The following RLIM variants were observed in gnomAD, a reference collection of about 807,000 sequenced individuals.
The protein encoded by RLIM is ring finger protein, LIM domain interacting, also known as E3 ubiquitin-protein ligase RLIM.
In RLIM, 2 loss-of-function variants were observed where a neutral mutation model predicts 34.0. The observed-to-expected ratio is 0.06, with a 90% CI of 0.02 to 0.19. The LOEUF (loss-of-function observed/expected upper bound fraction) is 0.19, where lower values mean the gene tolerates loss of function less well. Among genes scored for constraint, RLIM ranks in the 10% least tolerant of loss-of-function variants. RLIM has a pLI of 1.00. For synonymous variants in RLIM, 169 were observed against 164.0 expected, an observed-to-expected ratio of 1.03 and a Z score of -0.23; for missense variants, 286 against 479.7, an observed-to-expected ratio of 0.60 and a Z score of 3.77.
At chrX:74,600,043 C>T (rs1314761045) in intron 1 of RLIM, among the ~76,000 whole-genome samples, 1 of 110,581 alleles carries the variant, frequency 9.0e-6, no homozygotes, top group Non-Finnish European at 1.9e-5. Context: ...CCACTGTTTT[C>T]CTTAGATCAT....
intron 1 of RLIM, among the ~76,000 whole-genome samples, chrX:74,608,694 AATGTTCCTCATGT>A (rs1198303803): frequency 8.9e-6 from 1 of 112,217 alleles, no homozygotes; most frequent in Non-Finnish European, 1.9e-5. Flanking sequence ...AGGACTCAGG[AATGTTCCTCATGT>A]ACGCACCGAC....
intron 2 of RLIM, among the ~76,000 whole-genome samples, chrX:74,595,349 G>A (rs903409699): frequency 8.9e-6 from 1 of 111,989 alleles, no homozygotes; most frequent in African/African-American, 3.2e-5. Flanking sequence ...GGATCAAATG[G>A]GACTTAGTGG....
rs1384350735 is a variant in RLIM at position 74,590,809 on chromosome X, T to G, written c.*631A>C. 8.9e-6 allele frequency: 1 copy of G among 112,923 alleles called. No homozygotes were observed. Among genetic ancestry groups the G allele is most frequent in the Non-Finnish European group, 1.9e-5 (1 of 53,383 alleles). The allele number at this position is 112,923 out of a possible 1,213,427, so 9.3% of individuals were successfully genotyped here. On this transcript the variant is annotated 3_prime_UTR_variant, in exon 4 of 4. Transcript: ENST00000332687. Reference sequence around the variant, plus strand: ...TACACAAGCATAGGCTTTTTAATATTTCCACAAGATAAATATCTCAATTAA... The same window carrying G: ...TACACAAGCATAGGCTTTTTAATATGTCCACAAGATAAATATCTCAATTAA...
intron 1 of RLIM, among the ~76,000 whole-genome samples, chrX:74,598,553 C>T (rs781638544): frequency 4.5e-4 from 50 of 110,266 alleles, no homozygotes; most frequent in Admixed American, 1.7e-3. Context: ...CTGAGGTGGG[C>T]GGATCACGAG....
In RLIM at chrX:74,591,734, G is replaced by C; in HGVS notation, c.1581C>G (p.Pro527=). 6 of 1,211,724 alleles carry C rather than the reference G, an allele frequency of 5.0e-6. No homozygotes were observed. Among genetic ancestry groups the C allele is most frequent in the Non-Finnish European group, 6.7e-6 (6 of 895,501 alleles). ...GGAAAAACTGAGCCAGGCTAAGGAA[G>C]GGCAAAGAGCCACTTTCATCAAATG... ...PVTFDESGSL[P]FLSLAQFFLL... is the part of the protein sequence containing the mutation. The change falls in exon 4 of 4, where the codon CCC becomes CCG. Residue 527 remains proline (P), a synonymous_variant. Transcript: ENST00000332687.
chrX:74,609,305 G>C (rs1310570319), intron 1 of RLIM, among the ~76,000 whole-genome samples: 4 of 108,618 alleles, frequency 3.7e-5, no homozygotes, highest in African/African-American at 1.3e-4. Flanking sequence ...GGCTAACACA[G>C]TGAAACCCCG....
At chrX:74,612,305 G>T (rs752424246) in intron 1 of RLIM, among the ~76,000 whole-genome samples, 200 of 111,804 alleles carry the variant, frequency 1.8e-3, no homozygotes, top group African/African-American at 5.9e-3. Flanking sequence ...CAAATTTTTT[G>T]TTGTTGTTGT....
Position 74,608,822 on chromosome X carries a change from T to C in RLIM, c.-24+5600A>G, listed in dbSNP as rs140823520. On this transcript the variant is annotated intron_variant, in intron 1 of 3. Coordinates refer to ENST00000332687, the MANE Select transcript of RLIM (RefSeq NM_016120.4). ...GGACTGAAGACCATGCCAAATGCGGTTGATCTACAGGATCAAGTTAGTTAA... is the reference window on the plus strand; with the variant it reads ...GGACTGAAGACCATGCCAAATGCGGCTGATCTACAGGATCAAGTTAGTTAA... Among the ~76,000 whole-genome samples, 542 of 112,318 alleles carry C rather than the reference T, an allele frequency of 4.8e-3. 2 individuals are homozygous for C. The highest frequency in any genetic ancestry group is 0.017 in the African/African-American group (514 of 30,938).
intron 1 of RLIM, among the ~76,000 whole-genome samples, chrX:74,607,552 T>A (rs1158663790): frequency 8.9e-6 from 1 of 112,480 alleles, no homozygotes; most frequent in Non-Finnish European, 1.9e-5. Flanking sequence ...TCTACAAAAA[T>A]ACAAAAATTT....
rs946451977 is a variant in RLIM, at chrX:74,588,363, C to T, written c.*3077G>A. ...GCATGCGCCTGTAATCCCAGCTACT[C>T]GAGAGGCTGAGACAGGAGAATTGCT... On this transcript the variant is annotated 3_prime_UTR_variant, in exon 4 of 4. Coordinates refer to ENST00000332687, the MANE Select transcript of RLIM (RefSeq NM_016120.4). 3 of 110,999 alleles carry T rather than the reference C, an allele frequency of 2.7e-5. No individual in the cohort carries two copies. The highest frequency in any genetic ancestry group is 5.7e-4 in the East Asian group (2 of 3,522). The allele number at this position is 110,999 out of a possible 1,213,427, so 9.1% of individuals were successfully genotyped here.
At position 74,588,012 on chromosome X, in the gene RLIM, T is replaced by C. The variant is rs1168455599; in HGVS notation, c.*3428A>G. On this transcript the variant is annotated 3_prime_UTR_variant, in exon 4 of 4. Transcript: ENST00000332687. ...ACATTCCAACACTAATGTGAACACT[T>C]TTCTCAATCCCCACCTCCATTAACA... The C allele has an allele frequency of 2.7e-5, 3 of 112,638 alleles. No homozygotes were observed. Among genetic ancestry groups the C allele is most frequent in the Admixed American group, 1.9e-4 (2 of 10,663 alleles). 9.3% of individuals were successfully genotyped at this position (112,638 alleles called of 1,213,427 possible). A position where few individuals can be genotyped will look rare whatever the true frequency, so the allele number is the denominator to read the frequency against.
At chrX:74,594,670 G>A (rs969065740) in intron 2 of RLIM, among the ~76,000 whole-genome samples, 1 of 110,672 alleles carries the variant, frequency 9.0e-6, no homozygotes, top group Non-Finnish European at 1.9e-5. Flanking sequence ...AGGCCGAGGC[G>A]GGTGGATCAC....
Position 74,591,795 on chromosome X carries a change from C to A in RLIM, c.1520G>T (p.Gly507Val). The part of the protein sequence containing the change: ...NEGSSSSGSS[G>V]ARREGRHRAP... ...CCTATGTCGACCCTCTCGCCTGGCA[C>A]CTGATGAGCCTGATGATGAGCTTCC... Residue 507 changes from glycine to valine, a missense_variant, in exon 4 of 4, where the codon GGT becomes GTT. Coordinates refer to ENST00000332687, the MANE Select transcript of RLIM (RefSeq NM_016120.4). The A allele has an allele frequency of 8.3e-7, 1 of 1,211,080 alleles. No homozygotes were observed. Among genetic ancestry groups the A allele is most frequent in the African/African-American group, 1.7e-5 (1 of 57,662 alleles).
rs898705155 is a variant in RLIM at position 74,604,330 on chromosome X, TA to T, written c.-23-8331del. Among the ~76,000 whole-genome samples the T allele has an allele frequency of 3.8e-4, 40 of 106,606 alleles. No homozygotes were observed. In the East Asian group the frequency reaches 3.8e-3, roughly 10 times the overall value. 92.6% of individuals were successfully genotyped at this position (106,606 alleles called of 115,157 possible). A position where few individuals can be genotyped will look rare whatever the true frequency, so the allele number is the denominator to read the frequency against. The stretch of plus-strand genomic sequence containing the variant: ...CTACTTCAGTTTTTTAAGCTTAAAA[TA>T]AAAAAAAAACTTAAAATTTCAGTTT... On this transcript the variant is annotated intron_variant, in intron 1 of 3. Coordinates refer to ENST00000332687, the MANE Select transcript of RLIM (RefSeq NM_016120.4).
At chrX:74,607,784 T>TC (rs200819517) in intron 1 of RLIM, among the ~76,000 whole-genome samples, 1,170 of 110,397 alleles carry the variant, frequency 0.011, 14 homozygotes, top group African/African-American at 0.036. Context: ...CATAAAGGAG[T>TC]CCTTTAAGAA....
At chrX:74,597,724 A>C (rs1270850407) in intron 1 of RLIM, among the ~76,000 whole-genome samples, 1 of 112,297 alleles carries the variant, frequency 8.9e-6, no homozygotes, top group Non-Finnish European at 1.9e-5. Context: ...TCAATCTATC[A>C]TATTACTGAA....
intron 1 of RLIM, among the ~76,000 whole-genome samples, chrX:74,612,964 G>A (rs979440173): frequency 5.4e-5 from 6 of 111,799 alleles, no homozygotes; most frequent in African/African-American, 1.3e-4. Flanking sequence ...GCCTAAGGTA[G>A]GAACTAAAGT....
At chrX:74,600,153 A>G (rs775063509) in intron 1 of RLIM, among the ~76,000 whole-genome samples, 2 of 111,227 alleles carry the variant, frequency 1.8e-5, no homozygotes, top group East Asian at 2.8e-4. Context: ...TCTTAATCTC[A>G]TAACTGAGAT....
intron 1 of RLIM, among the ~76,000 whole-genome samples, chrX:74,610,773 C>T (rs1379854748): frequency 9.1e-6 from 1 of 109,641 alleles, no homozygotes. Context: ...GCCTGTACTC[C>T]CAGCTACTTG....
Sources: gnomAD v4.1 joint callset for allele counts (sites outside exome capture counted in the v4.1 genomes callset) on GRCh38, gnomAD v4.1.1 for gene constraint, MANE v1.5 for transcripts, NCBI Gene and HGNC (gene_info 2026-07-23, HGNC 2026-07-21) for gene names.